The following TMC1 variants were observed in gnomAD, a reference collection of about 807,000 sequenced individuals.
The protein encoded by TMC1 is transmembrane channel like 1.
In TMC1, 84 loss-of-function variants were observed where a neutral mutation model predicts 105.8. That is an observed-to-expected ratio of 0.79 (90% CI 0.67 to 0.95). The LOEUF is 0.95. Ranked by LOEUF, TMC1 falls within the 40% of genes least tolerant of loss-of-function variation. The pLI is 0.00. For synonymous variants in TMC1, 315 were observed against 311.5 expected, an observed-to-expected ratio of 1.01 and a Z score of -0.12; for missense variants, 817 against 914.1, an observed-to-expected ratio of 0.89 and a Z score of 1.37.
chr9:72,701,306 A>G (rs910428807), intron 8 of TMC1, among the ~76,000 whole-genome samples: 1 of 152,238 alleles, frequency 6.6e-6, no homozygotes, highest in Non-Finnish European at 1.5e-5. Context: ...GTGGACGCGA[A>G]CGCAGTCAGA....
chr9:72,838,195 C>T lies in TMC1; in HGVS notation c.*2222C>T, dbSNP rs1588110030. Reference sequence around the variant, plus strand: ...CTGTTACCTGCATGAAAACATTTTACTATGATGTAAGAAATGGATTATCTG... The same window carrying T: ...CTGTTACCTGCATGAAAACATTTTATTATGATGTAAGAAATGGATTATCTG... On this transcript the variant is annotated 3_prime_UTR_variant, in exon 24 of 24. Transcript: ENST00000297784. 6.6e-6 allele frequency: 1 copy of T among 152,176 alleles called. No individual in the cohort carries two copies. Among genetic ancestry groups the T allele is most frequent in the South Asian group, 2.1e-4 (1 of 4,834 alleles). 9.4% of individuals were successfully genotyped at this position (152,176 alleles called of 1,614,324 possible). A position where few individuals can be genotyped will look rare whatever the true frequency, so the allele number is the denominator to read the frequency against.
In TMC1 at chr9:72,549,848, G is replaced by A. The variant is rs370714245; in HGVS notation, c.-428+27935G>A. Among the ~76,000 whole-genome samples, 6 of 151,420 alleles carry A rather than the reference G, an allele frequency of 4.0e-5. No homozygotes were observed. The East Asian group carries it at 1.0e-3, about 25-fold the overall frequency. ...AGGTTGGTCTCGAACTCCTGACCTC[G>A]TGATCCACCCACCTTGGCCTCCCGA... On this transcript the variant is annotated intron_variant, in intron 1 of 23. Coordinates refer to ENST00000297784, the MANE Select transcript of TMC1 (RefSeq NM_138691.3).
chr9:72,617,999 G>T (rs979373139), intron 3 of TMC1, among the ~76,000 whole-genome samples: 1 of 150,436 alleles, frequency 6.6e-6, no homozygotes, highest in Admixed American at 6.7e-5. Context: ...ACAAGGATAG[G>T]AGCGAGACTT....
At chr9:72,523,818 C>G (rs1823356503) in intron 1 of TMC1, among the ~76,000 whole-genome samples, 1 of 151,478 alleles carries the variant, frequency 6.6e-6, no homozygotes, top group Admixed American at 6.6e-5. Flanking sequence ...TTGTTCCAGG[C>G]TAAGAACAGA....
chr9:72,749,287 G>A (rs2118047324), intron 10 of TMC1, among the ~76,000 whole-genome samples: 1 of 152,226 alleles, frequency 6.6e-6, no homozygotes, highest in East Asian at 1.9e-4. Flanking sequence ...TCCTATATGC[G>A]GGATTTCATA....
intron 13 of TMC1, among the ~76,000 whole-genome samples, chr9:72,773,181 A>G (rs529638432): frequency 1.3e-5 from 2 of 152,280 alleles, no homozygotes; most frequent in Admixed American, 6.5e-5. Context: ...TACTCCACTT[A>G]AAGACTGCAG....
chr9:72,739,051 T>G (rs1293476188), intron 8 of TMC1, among the ~76,000 whole-genome samples: 1 of 152,212 alleles, frequency 6.6e-6, no homozygotes, highest in African/African-American at 2.4e-5. Flanking sequence ...TTCAAGCTGA[T>G]AGAACAAATG....
intron 5 of TMC1, among the ~76,000 whole-genome samples, chr9:72,681,997 T>C (rs1316592327): frequency 6.6e-6 from 1 of 152,148 alleles, no homozygotes; most frequent in Non-Finnish European, 1.5e-5. Flanking sequence ...AGGGAAAACA[T>C]TGAAGAGTGA....
intron 1 of TMC1, among the ~76,000 whole-genome samples, chr9:72,531,292 T>G (rs1486050467): frequency 6.6e-6 from 1 of 152,212 alleles, no homozygotes; most frequent in Admixed American, 6.5e-5. Flanking sequence ...ATTAACAGTG[T>G]CTAGTCTGTA....
chr9:72,773,260 G>C (rs1236810727), intron 13 of TMC1, among the ~76,000 whole-genome samples: 1 of 152,024 alleles, frequency 6.6e-6, no homozygotes, highest in African/African-American at 2.4e-5. Flanking sequence ...TTTTGAACTA[G>C]TTTACGAGAA....
At chr9:72,702,453 T>A (rs1826660851) in intron 8 of TMC1, among the ~76,000 whole-genome samples, 1 of 152,178 alleles carries the variant, frequency 6.6e-6, no homozygotes, top group Non-Finnish European at 1.5e-5. Flanking sequence ...TTGTACCTTA[T>A]TGACAGAGTT....
intron 8 of TMC1, among the ~76,000 whole-genome samples, chr9:72,701,545 G>A (rs528930664): frequency 1.8e-4 from 27 of 152,120 alleles, no homozygotes; most frequent in Non-Finnish European, 3.4e-4. Flanking sequence ...ATAGTAGTAA[G>A]TTTTAAAAAC....
At chr9:72,550,714 G>C (rs996282795) in intron 1 of TMC1, among the ~76,000 whole-genome samples, 4 of 150,670 alleles carry the variant, frequency 2.7e-5, no homozygotes, top group Non-Finnish European at 2.9e-5. Flanking sequence ...ATTGAAATAG[G>C]GGGTAAAAAG....
In TMC1 at chr9:72,541,384, A is replaced by G. The variant is rs565183826; in HGVS notation, c.-428+19471A>G. Among the ~76,000 whole-genome samples, 223 of 152,324 alleles carry G rather than the reference A, an allele frequency of 1.5e-3. 1 individual carries two copies. The highest frequency in any genetic ancestry group is 5.1e-3 in the African/African-American group (212 of 41,572). The stretch of plus-strand genomic sequence containing the variant: ...GTATTTGTCTGAATGAATTGTTTGA[A>G]TAACTTAAAGAGCCTAGAAGCGGCT... On this transcript the variant is annotated intron_variant, in intron 1 of 23. Coordinates refer to ENST00000297784, the MANE Select transcript of TMC1 (RefSeq NM_138691.3).
intron 18 of TMC1, among the ~76,000 whole-genome samples, chr9:72,806,264 G>T (rs1301783563): frequency 6.7e-6 from 1 of 149,176 alleles, no homozygotes; most frequent in African/African-American, 2.5e-5. Context: ...GGCTGGCCGG[G>T]CAGAGGGGCT....
intron 10 of TMC1, among the ~76,000 whole-genome samples, chr9:72,746,972 A>C (rs1827500441): frequency 6.6e-6 from 1 of 152,208 alleles, no homozygotes; most frequent in Non-Finnish European, 1.5e-5. Context: ...ACCCCCAGGA[A>C]ATATAATCTA....
At chr9:72,560,398 C>T (rs925103594) in intron 1 of TMC1, among the ~76,000 whole-genome samples, 1 of 152,194 alleles carries the variant, frequency 6.6e-6, no homozygotes. Context: ...TAATCCCCTC[C>T]TGTATCTTTA....
At chr9:72,549,608 ATTTTTT>A (rs71357585) in intron 1 of TMC1, among the ~76,000 whole-genome samples, 1 of 120,838 alleles carries the variant, frequency 8.3e-6, no homozygotes, top group Non-Finnish European at 1.7e-5. Flanking sequence ...ACATCTGGCT[ATTTTTT>A]TTTTTTTTTT....
chr9:72,545,950 C>CAAA (rs566351959), intron 1 of TMC1, among the ~76,000 whole-genome samples: 21 of 146,072 alleles, frequency 1.4e-4, no homozygotes, highest in African/African-American at 2.3e-4. Context: ...TGTCATCGCT[C>CAAA]AAAAAAAAAA....
Sources: gnomAD v4.1 joint callset for allele counts (sites outside exome capture counted in the v4.1 genomes callset) on GRCh38, gnomAD v4.1.1 for gene constraint, MANE v1.5 for transcripts, NCBI Gene and HGNC (gene_info 2026-07-23, HGNC 2026-07-21) for gene names.